Variants in ZNF282 observed in about 807,000 individuals in gnomAD.
ZNF282 encodes the protein HTLV-I U5 repressive element-binding protein 1.
Under a neutral mutation model 61.9 loss-of-function variants are expected in ZNF282, and 30 were observed. The ratio of observed to expected loss-of-function variants is 0.48; its 90% confidence interval spans 0.36 to 0.66. The LOEUF is 0.66. Among genes scored for constraint, ZNF282 ranks in the 30% least tolerant of loss-of-function variants. ZNF282 has a pLI of 0.00. For synonymous variants in ZNF282, 396 were observed against 405.0 expected, an observed-to-expected ratio of 0.98 and a Z score of 0.27; for missense variants, 788 against 941.4, an observed-to-expected ratio of 0.84 and a Z score of 2.13.
At position 149,195,656 on chromosome 7, in the gene ZNF282, G is replaced by A. The variant is rs1795802629; in HGVS notation, c.67G>A (p.Gly23Arg). 3 of 1,602,140 alleles carry A rather than the reference G, an allele frequency of 1.9e-6. No homozygotes were observed. The highest frequency in any genetic ancestry group is 2.6e-6 in the Non-Finnish European group (3 of 1,175,342). ...LGIQGLGLDS[G>R]SWSWAQALPP... The stretch of plus-strand genomic sequence containing the variant: ...CATCCAGGGCCTGGGGCTGGACAGC[G>A]GGAGCTGGAGCTGGGCCCAGGCTCT... Residue 23 changes from glycine (G) to arginine (R), a missense_variant, in exon 1 of 8, where the codon GGG becomes AGG. Gly to Arg is a moderately radical substitution (Grantham distance 125). Coordinates refer to ENST00000610704, the MANE Select transcript of ZNF282 (RefSeq NM_003575.4).
chr7:149,210,781 G>C, intron 5 of ZNF282, 77 bp downstream of exon 5: 3 of 1,455,832 alleles, frequency 2.1e-6, no homozygotes, highest in Non-Finnish European at 2.7e-6. Context: ...CCAGCCCCCA[G>C]AGTTAGCTGT....
At chr7:149,216,756 C>G (rs751421437) in intron 7 of ZNF282, among the ~76,000 whole-genome samples, 7 of 152,174 alleles carry the variant, frequency 4.6e-5, no homozygotes, top group Non-Finnish European at 8.8e-5. Context: ...CCTGTCCTTG[C>G]CAACTTCCTT....
chr7:149,213,954 C>A, intron 7 of ZNF282, 140 bp downstream of exon 7: 1 of 604,724 alleles, frequency 1.7e-6, no homozygotes. Flanking sequence ...AAGTTCTGCA[C>A]CAAAGCACTC....
At chr7:149,204,283 C>T (rs1397683469) in intron 2 of ZNF282, among the ~76,000 whole-genome samples, 1 of 152,162 alleles carries the variant, frequency 6.6e-6, no homozygotes, top group Non-Finnish European at 1.5e-5. Flanking sequence ...AGGATTTCAA[C>T]AGAAGGTCGC....
intron 7 of ZNF282, among the ~76,000 whole-genome samples, chr7:149,218,523 T>C (rs1339532165): frequency 2.0e-5 from 3 of 152,164 alleles, no homozygotes; most frequent in African/African-American, 7.2e-5. Flanking sequence ...GACACTCAAG[T>C]AGCAGATCAA....
chr7:149,212,497 T>G, intron 6 of ZNF282, 26 bp downstream of exon 6: 1 of 1,525,158 alleles, frequency 6.6e-7, no homozygotes, highest in South Asian at 1.2e-5. Flanking sequence ...GAATGAATCT[T>G]GAGGGCAACA....
chr7:149,214,418 G>T (rs570175529), intron 7 of ZNF282, among the ~76,000 whole-genome samples: 4 of 152,230 alleles, frequency 2.6e-5, no homozygotes, highest in South Asian at 4.1e-4. Context: ...TGGTGGGGAG[G>T]GGGGAAGGCA....
Position 149,224,404 on chromosome 7 carries a change from C to T in ZNF282, c.1773C>T (p.Asn591=). 6.2e-7 allele frequency: 1 copy of T among 1,614,042 alleles called. No homozygotes were observed. The highest frequency in any genetic ancestry group is 8.5e-7 in the Non-Finnish European group (1 of 1,179,972). ...KTYSRKEHLQ[N]HQRLHTGERP... ...ACAGCCGTAAGGAGCACCTGCAGAA[C>T]CACCAGCGGCTGCACACGGGCGAGC... The change falls in exon 8 of 8, where the codon AAC becomes AAT. Residue 591 remains asparagine, a synonymous_variant. Coordinates refer to ENST00000610704, the MANE Select transcript of ZNF282 (RefSeq NM_003575.4).
chr7:149,220,063 G>A (rs1240769460), intron 7 of ZNF282, among the ~76,000 whole-genome samples: 1 of 152,106 alleles, frequency 6.6e-6, no homozygotes, highest in African/African-American at 2.4e-5. Context: ...CTAGACCATT[G>A]TCTCGGGTCA....
intron 5 of ZNF282, 48 bp downstream of exon 5, chr7:149,210,752 A>T (rs1796072367): frequency 6.6e-7 from 1 of 1,506,390 alleles, no homozygotes; most frequent in Admixed American, 2.4e-5. Context: ...AGGGGAGGGG[A>T]GAGGGTTAGC....
At chr7:149,203,190 G>T (rs1795942574) in intron 2 of ZNF282, among the ~76,000 whole-genome samples, 1 of 152,222 alleles carries the variant, frequency 6.6e-6, no homozygotes, top group African/African-American at 2.4e-5. Context: ...TCTGTTCTGT[G>T]TGTCTCAGCG....
chr7:149,220,954 CT>C (rs1379798946), intron 7 of ZNF282, among the ~76,000 whole-genome samples: 1 of 142,818 alleles, frequency 7.0e-6, no homozygotes, highest in African/African-American at 2.7e-5. Context: ...AGGTTTCACT[CT>C]GTCACCCAGG....
rs1405477359 is a variant in ZNF282 at position 149,198,489 on chromosome 7, G to A, written c.322G>A (p.Val108Met). 6.2e-7 allele frequency: 1 copy of A among 1,614,204 alleles called. No homozygotes were observed. Among genetic ancestry groups the A allele is most frequent in the Admixed American group, 1.7e-5 (1 of 60,028 alleles). ...LWTVVAAIQA[V>M]ERKVDAQASQ... The stretch of plus-strand genomic sequence containing the variant: ...GACTGTGGTGGCTGCCATTCAGGCT[G>A]TGGAGAGGAAGGTGGATGCCCAGGC... Residue 108 changes from valine to methionine, a missense_variant, in exon 2 of 8, where the codon GTG becomes ATG. Physicochemically the swap from Val to Met is conservative, Grantham distance 21 (BLOSUM62 1). This residue lies in a region of ZNF282 where 92 missense variants were observed against 163.9 expected (regional missense o/e 0.56). Coordinates refer to ENST00000610704, the MANE Select transcript of ZNF282 (RefSeq NM_003575.4). The surrounding 1 kb of genome is among the most constrained non-coding windows in gnomAD (Gnocchi z 4.3).
In ZNF282 at chr7:149,195,695, G is replaced by C; in HGVS notation, c.106G>C (p.Val36Leu). The change falls in exon 1 of 8, where the codon GTC becomes CTC. Residue 36 changes from valine (V) to leucine (L), a missense_variant. Coordinates refer to ENST00000610704, the MANE Select transcript of ZNF282 (RefSeq NM_003575.4). ...SWAQALPPEE[V>L]CHQEPALRGE... ...GGCCCAGGCTCTGCCCCCGGAGGAG[G>C]TCTGCCACCAGGAGCCGGCGCTGCG... 1 of 1,571,164 alleles carries C rather than the reference G, an allele frequency of 6.4e-7. No individual in the cohort carries two copies. Among genetic ancestry groups the C allele is most frequent in the Non-Finnish European group, 8.6e-7 (1 of 1,160,554 alleles).
At chr7:149,216,012 G>C (rs1796156556) in intron 7 of ZNF282, among the ~76,000 whole-genome samples, 1 of 152,242 alleles carries the variant, frequency 6.6e-6, no homozygotes, top group African/African-American at 2.4e-5. Flanking sequence ...AAGGCCCATA[G>C]AGAACTTGCA....
chr7:149,195,876 A>C (rs1209196639), intron 1 of ZNF282, 122 bp downstream of exon 1: 1 of 926,340 alleles, frequency 1.1e-6, no homozygotes, highest in East Asian at 7.0e-5. Flanking sequence ...TTCCGCGCCC[A>C]GGCGAGGCCC....
intron 7 of ZNF282, among the ~76,000 whole-genome samples, chr7:149,217,030 G>A (rs1202390): frequency 0.67 from 102,606 of 152,080 alleles, 36,683 homozygotes; most frequent in East Asian, 0.87. Flanking sequence ...AGGTGCTTCC[G>A]GAGTGAGAGG....
chr7:149,211,331 G>A (rs1264722708), intron 5 of ZNF282, among the ~76,000 whole-genome samples: 1 of 152,188 alleles, frequency 6.6e-6, no homozygotes, highest in African/African-American at 2.4e-5. Flanking sequence ...AGGCCGGCAA[G>A]TCCAAAATTT....
chr7:149,207,561 G>A, intron 4 of ZNF282, 91 bp downstream of exon 4: 2 of 1,516,182 alleles, frequency 1.3e-6, no homozygotes, highest in Non-Finnish European at 1.8e-6. Flanking sequence ...GCGCCACTGT[G>A]TGTGCACCAT....
Sources: allele counts gnomAD v4.1 joint callset (sites outside exome capture counted in the v4.1 genomes callset), GRCh38; gene constraint gnomAD v4.1.1; regional missense constraint gnomAD v4.1.1; non-coding constraint Gnocchi (gnomAD v3.1); transcripts MANE v1.5; gene names NCBI Gene and HGNC (gene_info 2026-07-23, HGNC 2026-07-21).